Variants in GXYLT2 observed in about 807,000 individuals in gnomAD.
GXYLT2 encodes glucoside xylosyltransferase 2, also known as glycosyltransferase 8 domain containing 4.
Under a neutral mutation model 45.8 loss-of-function variants are expected in GXYLT2, and 53 were observed. The observed-to-expected ratio is 1.16, with a 90% CI of 0.93 to 1.46. The LOEUF (loss-of-function observed/expected upper bound fraction) is 1.46, where lower values mean the gene tolerates loss of function less well. Ranked by LOEUF, GXYLT2 falls within the 40% of genes most tolerant of loss-of-function variation. The pLI, the probability that GXYLT2 is intolerant of heterozygous loss-of-function variation, is 0.00. For synonymous variants in GXYLT2, 219 were observed against 214.2 expected, an observed-to-expected ratio of 1.02 and a Z score of -0.19; for missense variants, 551 against 544.4, an observed-to-expected ratio of 1.01 and a Z score of -0.12.
At chr3:72,934,529 A>G (rs983149916) in intron 3 of GXYLT2, among the ~76,000 whole-genome samples, 2 of 152,204 alleles carry the variant, frequency 1.3e-5, no homozygotes, top group Admixed American at 1.3e-4. Context: ...AAGACCCCCA[A>G]AGCCAATGAA....
rs995817819 is a variant in GXYLT2, at chr3:72,908,058, A to G, written c.276-309A>G. 3.7e-5 allele frequency: 9 copies of G among 243,976 alleles called. No individual in the cohort carries two copies. In the East Asian group the frequency reaches 7.8e-4, roughly 21 times the overall value. The allele number at this position is 243,976 out of a possible 1,614,324, so 15.1% of individuals were successfully genotyped here. On this transcript the variant is annotated intron_variant, in intron 1 of 6. Coordinates refer to ENST00000389617, the MANE Select transcript of GXYLT2 (RefSeq NM_001080393.2). ...TTGTGTCAGCTGTCGAAGTTTAGCAATACTATTTCCAAACATGGGCCAGTA... is the reference window on the plus strand; with the variant it reads ...TTGTGTCAGCTGTCGAAGTTTAGCAGTACTATTTCCAAACATGGGCCAGTA...
intron 3 of GXYLT2, among the ~76,000 whole-genome samples, chr3:72,933,586 G>T (rs543694505): frequency 1.3e-5 from 2 of 152,268 alleles, no homozygotes; most frequent in South Asian, 2.1e-4. Context: ...ATTGATTCAG[G>T]CTGAGTTAAT....
At chr3:72,924,827 C>T (rs1287993605) in intron 3 of GXYLT2, among the ~76,000 whole-genome samples, 1 of 152,072 alleles carries the variant, frequency 6.6e-6, no homozygotes, top group Admixed American at 6.5e-5. Flanking sequence ...AGTATTCAAC[C>T]ATTAATGACC....
rs1006305343 is a variant in GXYLT2 at position 72,929,325 on chromosome 3, A to G, written c.600+6990A>G. On this transcript the variant is annotated intron_variant, in intron 3 of 6. Transcript: ENST00000389617. ...AAGAAACCAGACTGTGACGACTGGG[A>G]GAGCGGGCTGAATGCGATGGAGTGT... The G allele has an allele frequency of 6.2e-6, 7 of 1,121,586 alleles. No individual in the cohort carries two copies. In the South Asian group the frequency reaches 8.6e-5, roughly 14 times the overall value. 69.5% of individuals were successfully genotyped at this position (1,121,586 alleles called of 1,614,324 possible). A position where few individuals can be genotyped will look rare whatever the true frequency, so the allele number is the denominator to read the frequency against.
intron 5 of GXYLT2, among the ~76,000 whole-genome samples, chr3:72,959,913 G>C (rs923639625): frequency 6.6e-6 from 1 of 151,692 alleles, no homozygotes; most frequent in Non-Finnish European, 1.5e-5. Context: ...GGGATTACAG[G>C]CATGAGCCAC....
intron 3 of GXYLT2, among the ~76,000 whole-genome samples, chr3:72,944,799 C>G (rs1710373404): frequency 6.6e-6 from 1 of 152,086 alleles, no homozygotes; most frequent in Non-Finnish European, 1.5e-5. Context: ...AGCTCTCTTT[C>G]TAGCCCTTTA....
intron 1 of GXYLT2, 131 bp downstream of exon 1, chr3:72,888,639 G>GA: frequency 1.7e-6 from 1 of 602,096 alleles, no homozygotes; most frequent in Non-Finnish European, 2.1e-6. Context: ...GCCCACTTCT[G>GA]TTTCTTAACC....
intron 2 of GXYLT2, among the ~76,000 whole-genome samples, chr3:72,915,621 G>A (rs929109741): frequency 1.3e-5 from 2 of 151,944 alleles, no homozygotes; most frequent in Non-Finnish European, 1.5e-5. Flanking sequence ...CGGATCACCT[G>A]AGGTTGGGAG....
chr3:72,946,381 C>T (rs1710406358), intron 3 of GXYLT2, among the ~76,000 whole-genome samples: 1 of 151,656 alleles, frequency 6.6e-6, no homozygotes, highest in Non-Finnish European at 1.5e-5. Flanking sequence ...AGAAGACATC[C>T]CAGTCGTAGA....
intron 5 of GXYLT2, among the ~76,000 whole-genome samples, chr3:72,957,951 T>C (rs188872095): frequency 1.4e-3 from 218 of 152,296 alleles, no homozygotes; most frequent in Admixed American, 3.3e-3. Context: ...TTTTTTCCTC[T>C]TCCTTGTTAA....
intron 3 of GXYLT2, among the ~76,000 whole-genome samples, chr3:72,924,039 T>C (rs1292782186): frequency 6.6e-6 from 1 of 152,008 alleles, no homozygotes; most frequent in Non-Finnish European, 1.5e-5. Flanking sequence ...TGGAACAGTA[T>C]ATACAAAGGC....
At chr3:72,916,353 T>G (rs1709743138) in intron 2 of GXYLT2, among the ~76,000 whole-genome samples, 1 of 149,862 alleles carries the variant, frequency 6.7e-6, no homozygotes, top group East Asian at 1.9e-4. Context: ...TAAAATAAAC[T>G]TTTTTGGGGG....
rs1057297736 is a variant in GXYLT2 at position 72,972,846 on chromosome 3, A to C, written c.1150-2131A>C. Among the ~76,000 whole-genome samples the C allele has an allele frequency of 6.6e-5, 10 of 151,156 alleles. No homozygotes were observed. In the East Asian group the frequency reaches 1.9e-3, roughly 29 times the overall value. On this transcript the variant is annotated intron_variant, in intron 6 of 6. Transcript: ENST00000389617. The stretch of plus-strand genomic sequence containing the variant: ...GGGGAGGGGTTGGGGCTGGGGTGGG[A>C]AGATCTCTTGAGCTTAGGAGGCCAA...
intron 3 of GXYLT2, among the ~76,000 whole-genome samples, chr3:72,933,658 C>G (rs1710119860): frequency 1.3e-5 from 2 of 151,892 alleles, no homozygotes; most frequent in Non-Finnish European, 1.5e-5. Flanking sequence ...CCTGTAATCC[C>G]AACACTTTAG....
intron 2 of GXYLT2, among the ~76,000 whole-genome samples, chr3:72,910,993 T>C (rs1709607279): frequency 6.6e-6 from 1 of 152,046 alleles, no homozygotes; most frequent in South Asian, 2.1e-4. Context: ...ACTTGGACTT[T>C]AAAAGGGGAA....
intron 3 of GXYLT2, among the ~76,000 whole-genome samples, chr3:72,949,474 G>T (rs1323946970): frequency 6.7e-6 from 1 of 149,596 alleles, no homozygotes; most frequent in Non-Finnish European, 1.5e-5. Context: ...TGTGAACAGG[G>T]AATATGTATC....
intron 1 of GXYLT2, among the ~76,000 whole-genome samples, chr3:72,901,235 G>A (rs1217410246): frequency 2.0e-5 from 3 of 151,216 alleles, no homozygotes; most frequent in Non-Finnish European, 2.9e-5. Flanking sequence ...GTTGCAGTGA[G>A]GTGAGATCAT....
intron 5 of GXYLT2, among the ~76,000 whole-genome samples, chr3:72,963,629 A>G (rs1398898899): frequency 2.8e-4 from 41 of 148,370 alleles, no homozygotes; most frequent in Non-Finnish European, 1.2e-4. Context: ...TAGCCTCCTG[A>G]GTAGCTGGGA....
rs1711072266 is a variant in GXYLT2 at position 72,975,156 on chromosome 3, C to T, written c.1329C>T (p.His443=). 1.9e-6 allele frequency: 3 copies of T among 1,609,328 alleles called. No individual in the cohort carries two copies. Among genetic ancestry groups the T allele is most frequent in the South Asian group, 1.1e-5 (1 of 90,540 alleles). Residue 443 remains histidine (H), a synonymous_variant, in exon 7 of 7, where the codon CAC becomes CAT. Transcript: ENST00000389617. ...TCCATGTTGGCCCCAACCAGATGCA[C>T]TGAATATTTTGTCTTGTTGCAAGTC... is the stretch of plus-strand genomic sequence containing the variant. ...VIIHVGPNQM[H]
Sources: gnomAD v4.1 joint callset for allele counts (sites outside exome capture counted in the v4.1 genomes callset) on GRCh38, gnomAD v4.1.1 for gene constraint, MANE v1.5 for transcripts, NCBI Gene and HGNC (gene_info 2026-07-23, HGNC 2026-07-21) for gene names.